The following PALM2AKAP2 variants were observed in gnomAD, a reference collection of about 807,000 sequenced individuals.
The protein encoded by PALM2AKAP2 is PALM2 and AKAP2 fusion, also known as PALM2-AKAP2 fusion protein.
A neutral mutation model predicts 71.5 loss-of-function variants in PALM2AKAP2; 37 were observed. That is an observed-to-expected ratio of 0.52 (90% CI 0.40 to 0.68). The LOEUF is 0.68. Among genes scored for constraint, PALM2AKAP2 ranks in the 30% least tolerant of loss-of-function variants. PALM2AKAP2 has a pLI of 0.00. For synonymous variants in PALM2AKAP2, 468 were observed against 478.8 expected, an observed-to-expected ratio of 0.98 and a Z score of 0.29; for missense variants, 1,224 against 1,191.8, an observed-to-expected ratio of 1.03 and a Z score of -0.40.
intron 1 of PALM2AKAP2, among the ~76,000 whole-genome samples, chr9:109,834,347 T>C (rs553453272): frequency 1.3e-5 from 2 of 152,372 alleles, no homozygotes; most frequent in African/African-American, 2.4e-5. Flanking sequence ...CAGAAACCAG[T>C]TGGGATTTAA....
chr9:109,943,320 C>T (rs767154525), intron 6 of PALM2AKAP2: 9 of 1,614,130 alleles, frequency 5.6e-6, no homozygotes, highest in Non-Finnish European at 7.6e-6. Context: ...CGGTCTCAGA[C>T]ACCACAGAGC....
At chr9:109,712,450 G>T (rs995321907) in intron 1 of PALM2AKAP2, among the ~76,000 whole-genome samples, 36 of 152,220 alleles carry the variant, frequency 2.4e-4, no homozygotes, top group African/African-American at 8.7e-4. Flanking sequence ...CCGGTCTCCA[G>T]AAGTGTGTCA....
intron 1 of PALM2AKAP2, among the ~76,000 whole-genome samples, chr9:110,093,334 G>A (rs528192307): frequency 8.5e-5 from 13 of 152,200 alleles, no homozygotes; most frequent in East Asian, 3.9e-4. Context: ...GAGTGACTGC[G>A]GGACTCGGCT....
upstream of PALM2AKAP2, among the ~76,000 whole-genome samples, chr9:109,775,450 A>G (rs1829334895): frequency 6.6e-6 from 1 of 152,200 alleles, no homozygotes; most frequent in African/African-American, 2.4e-5. Context: ...CCATGGAGAA[A>G]AATAGCATAT....
intron 7 of PALM2AKAP2, among the ~76,000 whole-genome samples, chr9:110,033,272 C>A (rs1833319907): frequency 6.6e-6 from 1 of 152,190 alleles, no homozygotes; most frequent in Non-Finnish European, 1.5e-5. Context: ...CACAGCAAAT[C>A]TTTTTCTCTT....
chr9:109,674,714 C>A (rs1378557021), intron 1 of PALM2AKAP2, among the ~76,000 whole-genome samples: 1 of 152,040 alleles, frequency 6.6e-6, no homozygotes, highest in Non-Finnish European at 1.5e-5. Flanking sequence ...ACTTTCTATT[C>A]CATTTAGGCC....
At chr9:110,156,557 G>A in intron 3 of PALM2AKAP2, 60 bp downstream of exon 9, 1 of 1,503,902 alleles carries the variant, frequency 6.6e-7, no homozygotes, top group Non-Finnish European at 8.9e-7. Flanking sequence ...TGTGGCGTGT[G>A]GCATTCCAGT....
At chr9:109,743,142 C>T (rs1828741148) in intron 1 of PALM2AKAP2, among the ~76,000 whole-genome samples, 1 of 152,242 alleles carries the variant, frequency 6.6e-6, no homozygotes, top group Non-Finnish European at 1.5e-5. Flanking sequence ...TTCACCCAAC[C>T]TCCACAACTC....
At chr9:109,646,566 A>G (rs945881458) in intron 1 of PALM2AKAP2, among the ~76,000 whole-genome samples, 10 of 152,208 alleles carry the variant, frequency 6.6e-5, no homozygotes, top group African/African-American at 2.2e-4. Context: ...AAATGAATAA[A>G]TCTAGGTTCA....
chr9:109,990,963 C>G (rs947076275), intron 6 of PALM2AKAP2, among the ~76,000 whole-genome samples: 1 of 152,144 alleles, frequency 6.6e-6, no homozygotes, highest in Non-Finnish European at 1.5e-5. Context: ...AGAGGGCCAT[C>G]TTGGGCTAGT....
At chr9:110,149,970 A>G (rs143986699) in intron 2 of PALM2AKAP2, among the ~76,000 whole-genome samples, 1 of 152,220 alleles carries the variant, frequency 6.6e-6, no homozygotes, top group Non-Finnish European at 1.5e-5. Flanking sequence ...CCTGGTCTCA[A>G]TTGAGACCCC....
intron 1 of PALM2AKAP2, among the ~76,000 whole-genome samples, chr9:109,796,865 G>GT (rs1443764509): frequency 6.6e-6 from 1 of 152,198 alleles, no homozygotes; most frequent in Non-Finnish European, 1.5e-5. Context: ...AATTCAAGAT[G>GT]AGATGTGGGT....
chr9:110,083,205 T>G (rs1188567636), intron 1 of PALM2AKAP2, among the ~76,000 whole-genome samples: 2 of 152,104 alleles, frequency 1.3e-5, no homozygotes, highest in Admixed American at 1.3e-4. Flanking sequence ...CCCCAGCCCC[T>G]AGCAGCCACC....
intron 3 of PALM2AKAP2, among the ~76,000 whole-genome samples, chr9:110,166,979 G>A (rs1836751614): frequency 6.6e-6 from 1 of 152,202 alleles, no homozygotes; most frequent in African/African-American, 2.4e-5. Flanking sequence ...CATGGCTGGG[G>A]AGGCCTCACA....
intron 1 of PALM2AKAP2, among the ~76,000 whole-genome samples, chr9:110,076,959 C>T (rs1161344865): frequency 6.6e-6 from 1 of 152,186 alleles, no homozygotes; most frequent in East Asian, 1.9e-4. Flanking sequence ...GGCTGTCACG[C>T]AATGTATACC....
At chr9:109,868,509 C>A (rs570960798) in intron 2 of PALM2AKAP2, among the ~76,000 whole-genome samples, 1 of 152,076 alleles carries the variant, frequency 6.6e-6, no homozygotes, top group Admixed American at 6.5e-5. Context: ...TGCTGACTTT[C>A]GGGGTGATGC....
chr9:109,845,195 C>T (rs1399212755), intron 1 of PALM2AKAP2, among the ~76,000 whole-genome samples: 6 of 152,222 alleles, frequency 3.9e-5, no homozygotes, highest in South Asian at 2.1e-4. Flanking sequence ...AGCCCAGGAG[C>T]TTCTAGGCCC....
At chr9:110,036,090 C>G (rs112802394) in intron 7 of PALM2AKAP2, among the ~76,000 whole-genome samples, 1 of 151,850 alleles carries the variant, frequency 6.6e-6, no homozygotes, top group Non-Finnish European at 1.5e-5. Context: ...CCCACCACCA[C>G]GCCCGGCTAG....
At chr9:109,862,782 T>G (rs143019388) in intron 1 of PALM2AKAP2, 1 of 454,398 alleles carries the variant, frequency 2.2e-6, no homozygotes, top group African/African-American at 2.0e-5. Flanking sequence ...TCATGGATAT[T>G]TAAACTGTGC....
Sources: allele counts gnomAD v4.1 joint callset (sites outside exome capture counted in the v4.1 genomes callset), GRCh38; gene constraint gnomAD v4.1.1; transcripts MANE v1.5; gene names NCBI Gene and HGNC (gene_info 2026-07-23, HGNC 2026-07-21).